CUL5: variants seen among roughly 807,000 people sequenced by gnomAD.
CUL5 encodes the protein cullin 5.
A neutral mutation model predicts 108.8 loss-of-function variants in CUL5; 26 were observed. The observed-to-expected ratio is 0.24, with a 90% CI of 0.18 to 0.33. The LOEUF (loss-of-function observed/expected upper bound fraction) is 0.33, where lower values mean the gene tolerates loss of function less well. CUL5 is among the 10% of genes least tolerant of loss of function. The pLI is 1.00. For missense variants in CUL5, 524 were observed against 909.2 expected (o/e 0.58, Z 5.45); for synonymous variants, 334 against 298.0 (o/e 1.12, Z -1.25).
At chr11:108,082,534 C>T (rs1215955414) in intron 11 of CUL5, among the ~76,000 whole-genome samples, 1 of 152,160 alleles carries the variant, frequency 6.6e-6, no homozygotes. Context: ...ACCTTAGCCC[C>T]TCAAAGTGCT....
At chr11:108,077,742 T>G (rs1309564323) in intron 10 of CUL5, among the ~76,000 whole-genome samples, 1 of 152,030 alleles carries the variant, frequency 6.6e-6, no homozygotes, top group African/African-American at 2.4e-5. Context: ...GTGAGGAGTT[T>G]GAGACCAGCC....
At chr11:108,084,619 TACA>T (rs989838053) in intron 11 of CUL5, among the ~76,000 whole-genome samples, 2 of 152,250 alleles carry the variant, frequency 1.3e-5, no homozygotes, top group African/African-American at 2.4e-5. Context: ...CAGTATTCAG[TACA>T]ACATTACTAG....
intron 1 of CUL5, among the ~76,000 whole-genome samples, chr11:108,010,330 A>G (rs1398050267): frequency 6.6e-6 from 1 of 152,248 alleles, no homozygotes; most frequent in Non-Finnish European, 1.5e-5. Context: ...GCCTTCAGGC[A>G]ATGTGGATGA....
chr11:108,090,336 A>T (rs547926342), intron 13 of CUL5, among the ~76,000 whole-genome samples: 2 of 152,074 alleles, frequency 1.3e-5, no homozygotes, highest in South Asian at 4.2e-4. Flanking sequence ...AAAATACAAA[A>T]AAATTAACGA....
chr11:108,069,485 A>G (rs1591313162), intron 7 of CUL5, among the ~76,000 whole-genome samples: 1 of 152,120 alleles, frequency 6.6e-6, no homozygotes, highest in East Asian at 1.9e-4. Flanking sequence ...TCCCATTTAG[A>G]TACCAACTTG....
rs1290438464 is a variant in CUL5, at chr11:108,078,173, C to T, written c.1114-3C>T. On this transcript the variant is annotated splice_region_variant and splice_polypyrimidine_tract_variant and intron_variant, in intron 10 of 18. Transcript: ENST00000393094. ...ATATTTTATTCCAAATTATTTTTTGCAGGCGTATAAAGCAGTTGTTAATGA... is the reference window on the plus strand; with the variant it reads ...ATATTTTATTCCAAATTATTTTTTGTAGGCGTATAAAGCAGTTGTTAATGA... 6.0e-6 allele frequency: 9 copies of T among 1,509,816 alleles called. No individual in the cohort carries two copies. Among genetic ancestry groups the T allele is most frequent in the Non-Finnish European group, 8.1e-6 (9 of 1,109,134 alleles). The allele number at this position is 1,509,816 out of a possible 1,614,324, so 93.5% of individuals were successfully genotyped here.
chr11:108,021,945 G>A (rs1420833830), intron 1 of CUL5, among the ~76,000 whole-genome samples: 1 of 152,156 alleles, frequency 6.6e-6, no homozygotes, highest in Non-Finnish European at 1.5e-5. Flanking sequence ...CTCTGGAGTA[G>A]CTAGGACTGC....
chr11:108,099,301 A>C (rs1864583996), intron 18 of CUL5, among the ~76,000 whole-genome samples: 2 of 152,146 alleles, frequency 1.3e-5, no homozygotes, highest in Admixed American at 1.3e-4. Flanking sequence ...TACCATGCCC[A>C]GCCCAGTGTA....
intron 18 of CUL5, 88 bp from the exon 19 acceptor site, chr11:108,104,102 G>T: frequency 2.7e-6 from 2 of 750,530 alleles, no homozygotes; most frequent in Non-Finnish European, 2.2e-6. Context: ...GATAGAGGAT[G>T]AATATGCATA....
At chr11:108,014,599 T>TG (rs1299033346) in intron 1 of CUL5, among the ~76,000 whole-genome samples, 8 of 152,232 alleles carry the variant, frequency 5.3e-5, no homozygotes, top group South Asian at 2.1e-4. Flanking sequence ...TGGCCATGGA[T>TG]GAGGGGCATT....
intron 2 of CUL5, among the ~76,000 whole-genome samples, chr11:108,038,094 A>G (rs528200054): frequency 6.6e-6 from 1 of 152,370 alleles, no homozygotes; most frequent in African/African-American, 2.4e-5. Flanking sequence ...GGGAAATTAA[A>G]GTTTAGTAAG....
chr11:108,078,225 C>G lies in CUL5; in HGVS notation c.1163C>G (p.Pro388Arg). 1 of 1,572,944 alleles carries G rather than the reference C, an allele frequency of 6.4e-7. No individual in the cohort carries two copies. The highest frequency in any genetic ancestry group is 8.7e-7 in the Non-Finnish European group (1 of 1,155,984). The change falls in exon 11 of 19, where the codon CCT becomes CGT. Residue 388 changes from proline to arginine, a missense_variant. Around this residue, in one of 8 missense-constraint regions of CUL5, gnomAD observed 76 missense variants for 168.3 expected, o/e 0.45. Transcript: ENST00000393094. The stretch of plus-strand genomic sequence containing the variant: ...GCTACCATATTTAAACTTGAATTAC[C>G]TTTGAAGCAGAAGGGGTAAGTTTTT... ...NDATIFKLEL[P>R]LKQKGVGLKT... is the part of the protein sequence containing the mutation.
intron 2 of CUL5, among the ~76,000 whole-genome samples, chr11:108,044,507 CAA>C (rs35135984): frequency 1.9e-4 from 28 of 144,618 alleles, no homozygotes; most frequent in South Asian, 2.2e-4. Flanking sequence ...GACAGTGTCT[CAA>C]AAAAAAAAAA....
chr11:108,073,542 T>A lies in CUL5; in HGVS notation c.1113+45T>A, dbSNP rs777006777. Reference sequence around the variant, plus strand: ...TAAAAAACACTTTTAAAAGTTTTATTCTCATAATTTACTTCTAATAATCAA... The same window carrying A: ...TAAAAAACACTTTTAAAAGTTTTATACTCATAATTTACTTCTAATAATCAA... On this transcript the variant is annotated intron_variant, in intron 10 of 18. Coordinates refer to ENST00000393094, the MANE Select transcript of CUL5 (RefSeq NM_003478.6). 3.5e-6 allele frequency: 3 copies of A among 865,142 alleles called. No homozygotes were observed. In the African/African-American group the frequency reaches 5.2e-5, roughly 15 times the overall value. 53.6% of individuals were successfully genotyped at this position (865,142 alleles called of 1,614,324 possible). A position where few individuals can be genotyped will look rare whatever the true frequency, so the allele number is the denominator to read the frequency against.
chr11:108,028,093 T>G (rs1354841120), intron 1 of CUL5, among the ~76,000 whole-genome samples: 1 of 152,244 alleles, frequency 6.6e-6, no homozygotes, highest in Non-Finnish European at 1.5e-5. Context: ...CCCATCTGTA[T>G]TCTGATGACT....
At chr11:108,093,430 T>A (rs1272242548) in intron 13 of CUL5, among the ~76,000 whole-genome samples, 1 of 152,220 alleles carries the variant, frequency 6.6e-6, no homozygotes, top group South Asian at 2.1e-4. Flanking sequence ...TTCACTAAGT[T>A]CCTCAACACT....
rs145693900 is a variant in CUL5 at position 108,028,649 on chromosome 11, C to T, written c.25-5153C>T. ...GTCACGAGTTAGAGACCAGCCTGGC[C>T]GACATGGTGAAACCCCGTCTCTACT... On this transcript the variant is annotated intron_variant, in intron 1 of 18. Coordinates refer to ENST00000393094, the MANE Select transcript of CUL5 (RefSeq NM_003478.6). 8.7e-3 allele frequency among the ~76,000 whole-genome samples: 1,317 copies of T among 152,060 alleles called. 23 individuals are homozygous for T. Among genetic ancestry groups the T allele is most frequent in the African/African-American group, 0.03 (1,237 of 41,462 alleles).
chr11:108,105,828 ATAG>A lies in CUL5; in HGVS notation c.*1448_*1450del, dbSNP rs1162914235. On this transcript the variant is annotated 3_prime_UTR_variant, in exon 19 of 19. Coordinates refer to ENST00000393094, the MANE Select transcript of CUL5 (RefSeq NM_003478.6). ...TATTTTTAAAGTATGGTTTTTGAAG[ATAG>A]TAGGAAATGGAGTACAGAAAGGCAT... 1 of 152,146 alleles carries A rather than the reference ATAG, an allele frequency of 6.6e-6. No homozygotes were observed. Among genetic ancestry groups the A allele is most frequent in the Non-Finnish European group, 1.5e-5 (1 of 68,004 alleles). 9.4% of individuals were successfully genotyped at this position (152,146 alleles called of 1,614,324 possible). A position where few individuals can be genotyped will look rare whatever the true frequency, so the allele number is the denominator to read the frequency against.
In CUL5 at chr11:108,026,823, T is replaced by A. The variant is rs544669958; in HGVS notation, c.25-6979T>A. Reference sequence around the variant, plus strand: ...GGCCAATGTGGCGAAACCCCATCTCTACTAAAAATAGAAAAATTGGCTGGG... The same window carrying A: ...GGCCAATGTGGCGAAACCCCATCTCAACTAAAAATAGAAAAATTGGCTGGG... On this transcript the variant is annotated intron_variant, in intron 1 of 18. Transcript: ENST00000393094. Among the ~76,000 whole-genome samples the A allele has an allele frequency of 2.5e-3, 381 of 152,048 alleles. 2 individuals carry two copies. The highest frequency in any genetic ancestry group is 8.5e-3 in the African/African-American group (353 of 41,498).
Sources: gnomAD v4.1 joint callset for allele counts (sites outside exome capture counted in the v4.1 genomes callset) on GRCh38, gnomAD v4.1.1 for gene constraint, gnomAD v4.1.1 regional missense constraint, MANE v1.5 for transcripts, NCBI Gene and HGNC (gene_info 2026-07-23, HGNC 2026-07-21) for gene names.